The following RASAL1 variants were observed in gnomAD, a reference collection of about 807,000 sequenced individuals.
The protein encoded by RASAL1 is rasGAP-activating-like protein 1.
Under a neutral mutation model 96.6 loss-of-function variants are expected in RASAL1, and 72 were observed. That is an observed-to-expected ratio of 0.75 (90% confidence interval 0.62 to 0.91). The LOEUF (loss-of-function observed/expected upper bound fraction) is 0.91. Among genes scored for constraint, RASAL1 ranks in the 40% least tolerant of loss-of-function variants. The pLI, the probability that RASAL1 is intolerant of heterozygous loss-of-function variation, is 0.00. For synonymous variants in RASAL1, 405 were observed against 430.4 expected (o/e 0.94, Z 0.73); for missense variants, 1,016 against 1,072.5 (o/e 0.95, Z 0.74).
rs1951865611 is a variant in RASAL1, at chr12:113,135,167, C to T, written c.65+231G>A. ...TCCCGGGAACAAAGACACCCCCTCC[C>T]CTGCCCGGGGGTGAGGCGGGGCATC... is the stretch of plus-strand genomic sequence containing the variant. On this transcript the variant is annotated intron_variant, in intron 1 of 20. Coordinates refer to ENST00000548055, the MANE Select transcript of RASAL1 (RefSeq NM_001301202.2). This position sits in a 1 kb window ranked among gnomAD's most constrained non-coding sequence, Gnocchi z 5.7. Among the ~76,000 whole-genome samples, 1 of 152,184 alleles carries T rather than the reference C, an allele frequency of 6.6e-6. No individual in the cohort carries two copies.
chr12:113,128,650 C>T (rs935209487), intron 2 of RASAL1, among the ~76,000 whole-genome samples: 1 of 152,122 alleles, frequency 6.6e-6, no homozygotes, highest in African/African-American at 2.4e-5. Context: ...GATACACACA[C>T]ACGGATTCAC....
At position 113,099,961 on chromosome 12, in the gene RASAL1, C is replaced by T; in HGVS notation, c.2386G>A (p.Gly796Arg). The T allele has an allele frequency of 6.2e-7, 1 of 1,613,208 alleles. No individual in the cohort carries two copies. The highest frequency in any genetic ancestry group is 8.5e-7 in the Non-Finnish European group (1 of 1,179,460). ...AHEEFQQQER[G>R]KAALGPLGP The stretch of plus-strand genomic sequence containing the variant: ...CCAAGGGGGCCCAGGGCCGCCTTCC[C>T]TCGCTCCTGCTGCTGGAACTCCTCG... Residue 796 changes from glycine (G) to arginine (R), a missense_variant, in exon 21 of 21, where the codon GGG becomes AGG. Gly to Arg is a moderately radical substitution (Grantham distance 125, BLOSUM62 -2). Coordinates refer to ENST00000548055, the MANE Select transcript of RASAL1 (RefSeq NM_001301202.2).
chr12:113,130,730 T>G lies in RASAL1; in HGVS notation c.122+155A>C, dbSNP rs1431251232. 6.6e-6 allele frequency among the ~76,000 whole-genome samples: 1 copy of G among 152,056 alleles called. No homozygotes were observed. Among genetic ancestry groups the G allele is most frequent in the Non-Finnish European group, 1.5e-5 (1 of 67,990 alleles). On this transcript the variant is annotated intron_variant, in intron 2 of 20. Coordinates refer to ENST00000548055, the MANE Select transcript of RASAL1 (RefSeq NM_001301202.2). The surrounding 1 kb of genome is among the most constrained non-coding windows in gnomAD (Gnocchi z 5.1). ...GGCAGGGCTGGTCGGGGAGAGGAGC[T>G]GGCAGTCCCAGCTGGACACAAATCA... is the stretch of plus-strand genomic sequence containing the variant.
intron 5 of RASAL1, among the ~76,000 whole-genome samples, chr12:113,121,186 A>G (rs1951281537): frequency 6.6e-6 from 1 of 152,230 alleles, no homozygotes; most frequent in South Asian, 2.1e-4. Flanking sequence ...ATATAAGCCA[A>G]TAAAGTAGCT....
At chr12:113,110,647 C>T (rs950027314) in intron 13 of RASAL1, among the ~76,000 whole-genome samples, 5 of 152,126 alleles carry the variant, frequency 3.3e-5, no homozygotes, top group East Asian at 1.9e-4. Flanking sequence ...AGGCCGGGCG[C>T]GGTGGTTCAC....
Position 113,105,754 on chromosome 12 carries a change from C to T in RASAL1, c.1790G>A (p.Ser597Asn), listed in dbSNP as rs779467476. The change falls in exon 16 of 21, where the codon AGC (serine) becomes AAC (asparagine). Residue 597 changes from serine to asparagine, a missense_variant. Transcript: ENST00000548055. ...FAFKKRYVWL[S>N]GETLSFSKSP... ...CTTGGAGAAGGAGAGGGTCTCCCCG[C>T]TGAGCCAGACGTAGCGCTTCTTGAA... The T allele has an allele frequency of 2.7e-5, 44 of 1,613,314 alleles. No homozygotes were observed. The highest frequency in any genetic ancestry group is 3.6e-5 in the Non-Finnish European group (42 of 1,179,538).
intron 15 of RASAL1, among the ~76,000 whole-genome samples, chr12:113,106,830 T>C (rs554010368): frequency 1.6e-4 from 24 of 152,256 alleles, no homozygotes; most frequent in African/African-American, 5.8e-4. Context: ...AGTAAGCGCT[T>C]AATAGATGTT....
chr12:113,113,031 A>ACTTGCC (rs1950930856), intron 12 of RASAL1, among the ~76,000 whole-genome samples: 1 of 152,076 alleles, frequency 6.6e-6, no homozygotes, highest in African/African-American at 2.4e-5. Flanking sequence ...GGGACTTGGG[A>ACTTGCC]CTATTTGTTC....
In RASAL1 at chr12:113,114,566, C is replaced by T. The variant is rs146065175; in HGVS notation, c.1181+234G>A. 3.8e-3 allele frequency among the ~76,000 whole-genome samples: 582 copies of T among 152,260 alleles called. 3 individuals are homozygous for T. The highest frequency in any genetic ancestry group is 0.013 in the African/African-American group (551 of 41,544). On this transcript the variant is annotated intron_variant, in intron 12 of 20. Coordinates refer to ENST00000548055, the MANE Select transcript of RASAL1 (RefSeq NM_001301202.2). ...TGGCAACTTTGTCCACCAGTAGTGGCAAAGCTAAGATTTGAACCCAGGGCG... is the reference window on the plus strand; with the variant it reads ...TGGCAACTTTGTCCACCAGTAGTGGTAAAGCTAAGATTTGAACCCAGGGCG...
Position 113,115,908 on chromosome 12 carries a change from T to G in RASAL1, c.849+26A>C, listed in dbSNP as rs762555586. 6.3e-7 allele frequency: 1 copy of G among 1,583,816 alleles called. No homozygotes were observed. ...ATCCAGACCCCCGGCACCCGCCTGATAGCATTGCTTGCCTGACGCACCCAC... is the reference window on the plus strand; with the variant it reads ...ATCCAGACCCCCGGCACCCGCCTGAGAGCATTGCTTGCCTGACGCACCCAC... On this transcript the variant is annotated intron_variant, in intron 9 of 20. Transcript: ENST00000548055. This position sits in a 1 kb window ranked among gnomAD's most constrained non-coding sequence, Gnocchi z 4.1.
chr12:113,132,253 G>A (rs1020822402), intron 1 of RASAL1, among the ~76,000 whole-genome samples: 3 of 152,076 alleles, frequency 2.0e-5, no homozygotes, highest in Admixed American at 2.0e-4. Context: ...GATTACAGGC[G>A]TGAGCCACCA....
At chr12:113,102,135 G>T in intron 18 of RASAL1, 126 bp from the exon 19 acceptor site, 1 of 1,188,440 alleles carries the variant, frequency 8.4e-7, no homozygotes, top group Middle Eastern at 2.7e-4. Context: ...CTACTTCTAG[G>T]CCACACACGG....
Position 113,114,822 on chromosome 12 carries a change from T to G in RASAL1, c.1159A>C (p.Lys387Gln). Residue 387 changes from lysine to glutamine, a missense_variant, in exon 12 of 21, where the codon AAG (lysine) becomes CAG (glutamine). Lys to Gln is a moderately conservative substitution (Grantham distance 53). Transcript: ENST00000548055. ...CACCGGGTGCGGCCCAGGTCCATCT[T>G]GCAGGGATCCAGCTCCATGTACTTC... ...EKKYMELDPC[K>Q]MDLGRTRRIS... 1 of 1,614,060 alleles carries G rather than the reference T, an allele frequency of 6.2e-7. No homozygotes were observed. The highest frequency in any genetic ancestry group is 8.5e-7 in the Non-Finnish European group (1 of 1,179,928).
chr12:113,121,757 T>C, intron 4 of RASAL1, 119 bp from the exon 5 acceptor site: 1 of 1,232,948 alleles, frequency 8.1e-7, no homozygotes, highest in African/African-American at 1.5e-5. Context: ...GGTCTGGTTC[T>C]GTTGCCCAGG....
intron 1 of RASAL1, among the ~76,000 whole-genome samples, chr12:113,133,796 C>T (rs1442760590): frequency 6.6e-6 from 1 of 152,220 alleles, no homozygotes; most frequent in Non-Finnish European, 1.5e-5. Flanking sequence ...CTCCTCCCCA[C>T]CCTTGCTCTA....
chr12:113,116,660 G>A (rs1438134916), intron 8 of RASAL1, among the ~76,000 whole-genome samples: 1 of 152,230 alleles, frequency 6.6e-6, no homozygotes, highest in Non-Finnish European at 1.5e-5. Context: ...GTGGACAAGT[G>A]TAGATGATTG....
chr12:113,116,773 G>A (rs1005621446), intron 8 of RASAL1, among the ~76,000 whole-genome samples: 1 of 152,166 alleles, frequency 6.6e-6, no homozygotes, highest in Admixed American at 6.5e-5. Context: ...AAGTGGAGAT[G>A]GTATAAACAA....
At position 113,115,725 on chromosome 12, in the gene RASAL1, G is replaced by A; in HGVS notation, c.913C>T (p.Leu305Phe). The A allele has an allele frequency of 1.2e-6, 2 of 1,614,182 alleles. No homozygotes were observed. The highest frequency in any genetic ancestry group is 1.7e-6 in the Non-Finnish European group (2 of 1,180,030). The change falls in exon 10 of 21, where the codon CTT (leucine) becomes TTT (phenylalanine). Residue 305 changes from leucine (L) to phenylalanine (F), a missense_variant. Leu to Phe is a conservative substitution (Grantham distance 22). Coordinates refer to ENST00000548055, the MANE Select transcript of RASAL1 (RefSeq NM_001301202.2). This position sits in a 1 kb window ranked among gnomAD's most constrained non-coding sequence, Gnocchi z 4.1. ...AAGAGTTTCACCAGCTTGGTGGCAA[G>A]GTCCTGGCGGCAGTCCCCCAAGGTC... The part of the protein sequence containing the change: ...ELTLGDCRQD[L>F]ATKLVKLFLG...
At chr12:113,127,785 C>A in intron 4 of RASAL1, 27 bp downstream of exon 4, 2 of 1,594,832 alleles carry the variant, frequency 1.3e-6, no homozygotes, top group Non-Finnish European at 1.7e-6. Flanking sequence ...TGGCCCCCTC[C>A]TCCCTCTGCC....
Sources: allele counts gnomAD v4.1 joint callset (sites outside exome capture counted in the v4.1 genomes callset), GRCh38; gene constraint gnomAD v4.1.1; non-coding constraint Gnocchi (gnomAD v3.1); transcripts MANE v1.5; gene names NCBI Gene and HGNC (gene_info 2026-07-23, HGNC 2026-07-21).